Variants in TSPAN12 observed in about 807,000 individuals in gnomAD.
The protein encoded by TSPAN12 is tetraspanin-12.
TSPAN12 carries 19 observed loss-of-function variants against 39.2 expected under a neutral mutation model. The ratio of observed to expected loss-of-function variants is 0.49; its 90% CI spans 0.34 to 0.71. The LOEUF (loss-of-function observed/expected upper bound fraction) is 0.71, where lower values mean the gene tolerates loss of function less well. Among genes scored for constraint, TSPAN12 ranks in the 30% least tolerant of loss-of-function variants. The probability of loss-of-function intolerance (pLI) is 0.01; values close to 1 mark genes in which losing one functional copy is unlikely to be tolerated. For synonymous variants in TSPAN12, 119 were observed against 124.8 expected, an observed-to-expected ratio of 0.95 and a Z score of 0.31; for missense variants, 314 against 359.9, an observed-to-expected ratio of 0.87 and a Z score of 1.03.
intron 2 of TSPAN12, among the ~76,000 whole-genome samples, chr7:120,842,638 C>G (rs1005304117): frequency 2.6e-5 from 4 of 151,916 alleles, no homozygotes; most frequent in African/African-American, 7.3e-5. Context: ...AAAACACTAC[C>G]CTACACAGCA....
rs184644819 is a variant in TSPAN12 at position 120,796,759 on chromosome 7, G to C, written c.613-7862C>G. On this transcript the variant is annotated intron_variant, in intron 7 of 7. Coordinates refer to ENST00000222747, the MANE Select transcript of TSPAN12 (RefSeq NM_012338.4). ...TCTTATTTCCCTCCATACCTTCATTGCCTCATGTACACTGATGACACCCGT... is the reference window on the plus strand; with the variant it reads ...TCTTATTTCCCTCCATACCTTCATTCCCTCATGTACACTGATGACACCCGT... 4.6e-5 allele frequency among the ~76,000 whole-genome samples: 7 copies of C among 152,164 alleles called. No homozygotes were observed. The East Asian group carries it at 1.4e-3, about 29-fold the overall frequency.
intron 1 of TSPAN12, 78 bp from the exon 2 acceptor site, chr7:120,856,911 C>A: frequency 2.4e-6 from 2 of 831,910 alleles, no homozygotes; most frequent in Non-Finnish European, 2.0e-6. Flanking sequence ...CTCCTCCACC[C>A]GCCCTCAGCA....
chr7:120,798,436 G>A (rs1584923850), intron 7 of TSPAN12, among the ~76,000 whole-genome samples: 1 of 152,282 alleles, frequency 6.6e-6, no homozygotes, highest in East Asian at 1.9e-4. Context: ...AATTCTTGGG[G>A]ATATTCCATC....
chr7:120,849,991 C>A (rs1794740742), intron 2 of TSPAN12, among the ~76,000 whole-genome samples: 4 of 152,286 alleles, frequency 2.6e-5, no homozygotes, highest in Middle Eastern at 6.8e-3. Flanking sequence ...GCCAGGCCTG[C>A]TCCCTTTTGC....
At chr7:120,820,567 C>T (rs1318988841) in intron 4 of TSPAN12, among the ~76,000 whole-genome samples, 3 of 152,006 alleles carry the variant, frequency 2.0e-5, no homozygotes, top group African/African-American at 7.2e-5. Context: ...CTCTGTGTGT[C>T]GGGGTTTCCT....
intron 7 of TSPAN12, among the ~76,000 whole-genome samples, chr7:120,799,822 A>C (rs1323960794): frequency 1.5e-5 from 2 of 136,880 alleles, no homozygotes; most frequent in African/African-American, 2.7e-5. Context: ...ATTTATTTTA[A>C]TATATTAATT....
chr7:120,801,961 A>G (rs1395512446), intron 7 of TSPAN12, among the ~76,000 whole-genome samples: 1 of 152,212 alleles, frequency 6.6e-6, no homozygotes, highest in Admixed American at 6.5e-5. Flanking sequence ...AGTCCATCCA[A>G]GAAGAGCCCT....
intron 7 of TSPAN12, among the ~76,000 whole-genome samples, chr7:120,802,634 G>A (rs2116334790): frequency 6.6e-6 from 1 of 152,198 alleles, no homozygotes; most frequent in South Asian, 2.1e-4. Context: ...GAACCCAGTA[G>A]GCAATCACAA....
At chr7:120,788,931 G>T in intron 7 of TSPAN12, 34 bp from the exon 8 acceptor site, 3 of 1,611,138 alleles carry the variant, frequency 1.9e-6, no homozygotes, top group Non-Finnish European at 2.5e-6. Context: ...CATTACTTTA[G>T]ATATGTTACA....
chr7:120,814,204 T>C (rs1452450734), intron 5 of TSPAN12: 1 of 456,692 alleles, frequency 2.2e-6, no homozygotes, highest in Admixed American at 2.3e-5. Context: ...GCACCAGAAA[T>C]GACTTCTATT....
Position 120,838,878 on chromosome 7 carries a change from C to G in TSPAN12, c.184G>C (p.Val62Leu). 4.3e-6 allele frequency: 7 copies of G among 1,613,960 alleles called. No homozygotes were observed. The highest frequency in any genetic ancestry group is 5.9e-6 in the Non-Finnish European group (7 of 1,179,926). Residue 62 changes from valine to leucine, a missense_variant, in exon 4 of 8, where the codon GTG (valine) becomes CTG (leucine). By Grantham distance (32) the Val-to-Leu change is conservative (BLOSUM62 1). Coordinates refer to ENST00000222747, the MANE Select transcript of TSPAN12 (RefSeq NM_012338.4). Reference protein sequence around the residue: ...EEAVILTYFPVVHPVMIAVCC... With the variant: ...EEAVILTYFPLVHPVMIAVCC... ...ACAGCAATCATGACCGGATGAACCA[C>G]AGGAAAGTAAGTCAAAATGACTGCT...
intron 2 of TSPAN12, among the ~76,000 whole-genome samples, chr7:120,855,631 T>C (rs1180491687): frequency 2.0e-5 from 3 of 152,184 alleles, no homozygotes; most frequent in Non-Finnish European, 4.4e-5. Flanking sequence ...GCTTTAATGT[T>C]GAGAAAAGGA....
chr7:120,820,389 G>A (rs534888318), intron 4 of TSPAN12, among the ~76,000 whole-genome samples: 6 of 152,194 alleles, frequency 3.9e-5, no homozygotes, highest in Admixed American at 2.0e-4. Flanking sequence ...AATGGAAAGC[G>A]TTATAAAAAA....
intron 7 of TSPAN12, among the ~76,000 whole-genome samples, chr7:120,798,915 T>G (rs1213392384): frequency 2.0e-5 from 3 of 152,174 alleles, no homozygotes; most frequent in Non-Finnish European, 4.4e-5. Context: ...CACTACTATG[T>G]GTTCCCATTG....
Position 120,788,469 on chromosome 7 carries a change from T to A in TSPAN12, c.*123A>T. ...TCATTTTAAAGCATAGAATAGTATATGCTTAGGTGTTATTTTATGGCAACA... is the reference window on the plus strand; with the variant it reads ...TCATTTTAAAGCATAGAATAGTATAAGCTTAGGTGTTATTTTATGGCAACA... On this transcript the variant is annotated 3_prime_UTR_variant, in exon 8 of 8. Coordinates refer to ENST00000222747, the MANE Select transcript of TSPAN12 (RefSeq NM_012338.4). 1 of 1,177,606 alleles carries A rather than the reference T, an allele frequency of 8.5e-7. No individual in the cohort carries two copies. The highest frequency in any genetic ancestry group is 1.2e-6 in the Non-Finnish European group (1 of 804,400). 72.9% of individuals were successfully genotyped at this position (1,177,606 alleles called of 1,614,324 possible).
chr7:120,817,200 C>T (rs985756099), intron 4 of TSPAN12, among the ~76,000 whole-genome samples: 1 of 151,438 alleles, frequency 6.6e-6, no homozygotes, highest in African/African-American at 2.4e-5. Flanking sequence ...ATAATGAGAC[C>T]CCATATCTAC....
chr7:120,794,575 G>T (rs541860328), intron 7 of TSPAN12, among the ~76,000 whole-genome samples: 174 of 152,224 alleles, frequency 1.1e-3, no homozygotes, highest in African/African-American at 4.1e-3. Context: ...CCTTCCCAGG[G>T]GCAGATACCA....
chr7:120,817,776 T>C (rs1483737766), intron 4 of TSPAN12, among the ~76,000 whole-genome samples: 1 of 152,142 alleles, frequency 6.6e-6, no homozygotes, highest in African/African-American at 2.4e-5. Context: ...TTTGCAATTA[T>C]GAATATTCCA....
intron 2 of TSPAN12, among the ~76,000 whole-genome samples, chr7:120,856,110 T>C (rs1011757276): frequency 6.6e-6 from 1 of 152,188 alleles, no homozygotes; most frequent in South Asian, 2.1e-4. Flanking sequence ...TTATGGGATT[T>C]TCCAAAAGCA....
Sources: gnomAD v4.1 joint callset for allele counts (sites outside exome capture counted in the v4.1 genomes callset) on GRCh38, gnomAD v4.1.1 for gene constraint, MANE v1.5 for transcripts, NCBI Gene and HGNC (gene_info 2026-07-23, HGNC 2026-07-21) for gene names.